Variants in BRCA1 observed in about 807,000 individuals in gnomAD.
The protein encoded by BRCA1 is breast cancer type 1 susceptibility protein.
In BRCA1, 140 loss-of-function variants were observed where a neutral mutation model predicts 173.7. The observed-to-expected ratio is 0.81, with a 90% CI of 0.70 to 0.93. BRCA1 has a LOEUF of 0.93. Among genes scored for constraint, BRCA1 ranks in the 40% least tolerant of loss-of-function variants. The pLI is 0.00. For missense variants in BRCA1, 1,983 were observed against 2,172.5 expected, an observed-to-expected ratio of 0.91 and a Z score of 1.73; for synonymous variants, 662 against 756.0, an observed-to-expected ratio of 0.88 and a Z score of 2.04.
chr17:43,063,847 G>C (rs1398205276), intron 17 of BRCA1, 27 bp downstream of exon 17: 2 of 1,579,834 alleles, frequency 1.3e-6, no homozygotes, highest in East Asian at 4.5e-5. Context: ...GTTAAAGGGA[G>C]GAGGGGAGAA....
At chr17:43,065,413 A>G (rs904577413) in intron 16 of BRCA1, among the ~76,000 whole-genome samples, 1 of 152,172 alleles carries the variant, frequency 6.6e-6, no homozygotes, top group African/African-American at 2.4e-5. Context: ...TCACACCTGT[A>G]ATCCCAGCAC....
upstream of BRCA1, among the ~76,000 whole-genome samples, chr17:43,127,678 T>C (rs1273668579): frequency 6.6e-6 from 1 of 152,156 alleles, no homozygotes; most frequent in East Asian, 1.9e-4. Context: ...ATTAGCTCTC[T>C]GTAAAATGGA....
chr17:43,053,892 C>T (rs529450104), intron 19 of BRCA1, among the ~76,000 whole-genome samples: 2 of 151,930 alleles, frequency 1.3e-5, no homozygotes, highest in East Asian at 3.9e-4. Flanking sequence ...TCACTTGAAC[C>T]CTGGAGGCAG....
intron 2 of BRCA1, among the ~76,000 whole-genome samples, chr17:43,119,529 A>T (rs2055453454): frequency 2.6e-5 from 4 of 152,188 alleles, no homozygotes; most frequent in Admixed American, 2.6e-4. Flanking sequence ...TCCTTGGGCT[A>T]TTGCAAGAAT....
At position 43,049,662 on chromosome 17, in the gene BRCA1, C is replaced by G. The variant is rs889346691; in HGVS notation, c.5333-468G>C. Reference sequence around the variant, plus strand: ...TCAAGAGATGGGAAGATAATTCATCCAGTCAAAAAAATACATGTTATCCTG... The same window carrying G: ...TCAAGAGATGGGAAGATAATTCATCGAGTCAAAAAAATACATGTTATCCTG... On this transcript the variant is annotated intron_variant, in intron 20 of 22. Transcript: ENST00000357654. Among the ~76,000 whole-genome samples the G allele has an allele frequency of 5.3e-5, 8 of 152,072 alleles. No homozygotes were observed. Among genetic ancestry groups the G allele is most frequent in the Non-Finnish European group, 1.0e-4 (7 of 68,010 alleles).
At chr17:43,114,906 C>A (rs2055192876) in intron 3 of BRCA1, among the ~76,000 whole-genome samples, 1 of 152,104 alleles carries the variant, frequency 6.6e-6, no homozygotes, top group Non-Finnish European at 1.5e-5. Context: ...AAGAAACAAA[C>A]ATTTTCATTT....
At chr17:43,067,964 C>G (rs1567772774) in intron 15 of BRCA1, among the ~76,000 whole-genome samples, 3 of 142,918 alleles carry the variant, frequency 2.1e-5, no homozygotes, top group South Asian at 2.2e-4. Flanking sequence ...AGAAAGGGTA[C>G]ATTTAAAAAA....
intron 1 of BRCA1, among the ~76,000 whole-genome samples, chr17:43,147,403 A>G (rs1320312675): frequency 3.3e-5 from 5 of 152,092 alleles, no homozygotes; most frequent in African/African-American, 1.2e-4. Flanking sequence ...GTTAGCCAGG[A>G]TGGTCTCGAT....
chr17:43,123,251 G>T (rs1319003054), intron 2 of BRCA1, among the ~76,000 whole-genome samples: 4 of 149,336 alleles, frequency 2.7e-5, no homozygotes, highest in Non-Finnish European at 4.4e-5. Flanking sequence ...GCATTTCATT[G>T]TATGTAAATA....
chr17:43,046,644 C>T (rs1011316147), intron 22 of BRCA1, among the ~76,000 whole-genome samples: 26 of 151,494 alleles, frequency 1.7e-4, no homozygotes, highest in African/African-American at 6.1e-4. Flanking sequence ...TCAGGTGATC[C>T]GCCCTGAGGC....
intron 2 of BRCA1, chr17:43,119,055 T>C (rs1162902395): frequency 4.6e-6 from 1 of 216,718 alleles, no homozygotes; most frequent in East Asian, 6.8e-5. Flanking sequence ...CACTTAGCTC[T>C]AAATGTGAAT....
chr17:43,135,324 C>T (rs1597932510), intron 1 of BRCA1, among the ~76,000 whole-genome samples: 1 of 152,362 alleles, frequency 6.6e-6, no homozygotes, highest in East Asian at 1.9e-4. Context: ...AGCCCAAGCA[C>T]AGGCCTGCAA....
rs56012641 is a variant in BRCA1, at chr17:43,093,883, T to G, written c.1648A>C (p.Asn550His). The G allele has an allele frequency of 3.4e-4, 542 of 1,613,938 alleles. 8 individuals carry two copies. The Middle Eastern group carries it at 0.018, about 55-fold the overall frequency. ...TTTGTTTTATTCTCATGACCACTAT[T>G]AGTAATATTCATCACTTGACCATTC... is the stretch of plus-strand genomic sequence containing the variant. ...EQNGQVMNITNSGHENKTKGD... is the reference protein window; with the variant it reads ...EQNGQVMNITHSGHENKTKGD... The change falls in exon 10 of 23, where the codon AAT becomes CAT. Residue 550 changes from asparagine (N) to histidine (H), a missense_variant. By Grantham distance (68) the Asn-to-His change is moderately conservative. Coordinates refer to ENST00000357654, the MANE Select transcript of BRCA1 (RefSeq NM_007294.4).
At chr17:43,069,462 A>T (rs545069609) in intron 15 of BRCA1, among the ~76,000 whole-genome samples, 2 of 152,374 alleles carry the variant, frequency 1.3e-5, no homozygotes, top group East Asian at 1.9e-4. Context: ...TTGCCAAGAA[A>T]GATTAGACCA....
At chr17:43,127,738 GC>G (rs2055924228), upstream of BRCA1, among the ~76,000 whole-genome samples, 1 of 152,052 alleles carries the variant, frequency 6.6e-6, no homozygotes. Flanking sequence ...AAAGCAGGCT[GC>G]CCCGCTGGGT....
intron 1 of BRCA1, among the ~76,000 whole-genome samples, chr17:43,152,400 C>T (rs1452189049): frequency 1.3e-5 from 2 of 152,094 alleles, no homozygotes; most frequent in South Asian, 2.1e-4. Flanking sequence ...GTAGTAGAGA[C>T]GCAAGAGAAA....
intron 3 of BRCA1, among the ~76,000 whole-genome samples, chr17:43,109,301 C>T (rs2054935849): frequency 6.6e-6 from 1 of 152,126 alleles, no homozygotes; most frequent in Admixed American, 6.5e-5. Context: ...CTGGCCTTAT[C>T]TTCATTTTTA....
intron 13 of BRCA1, among the ~76,000 whole-genome samples, chr17:43,075,163 A>G (rs747016607): frequency 6.6e-6 from 1 of 152,132 alleles, no homozygotes; most frequent in Non-Finnish European, 1.5e-5. Flanking sequence ...CTCACTCTAT[A>G]CACAATATTC....
chr17:43,168,565 C>T (rs1206893174), intron 1 of BRCA1, among the ~76,000 whole-genome samples: 1 of 152,114 alleles, frequency 6.6e-6, no homozygotes, highest in Non-Finnish European at 1.5e-5. Flanking sequence ...CTTGAACCCA[C>T]GAGTCAGAGG....
Sources: allele counts gnomAD v4.1 joint callset (sites outside exome capture counted in the v4.1 genomes callset), GRCh38; gene constraint gnomAD v4.1.1; transcripts MANE v1.5; gene names NCBI Gene and HGNC (gene_info 2026-07-23, HGNC 2026-07-21).